The following CSMD3 variants were observed in gnomAD, a reference collection of about 807,000 sequenced individuals.
CSMD3 encodes the protein CUB and Sushi multiple domains 3, also known as CUB and sushi domain-containing protein 3.
In CSMD3, 177 loss-of-function variants were observed where a neutral mutation model predicts 435.2. The observed-to-expected ratio is 0.41, with a 90% CI of 0.36 to 0.46. CSMD3 has a LOEUF of 0.46. Ranked by LOEUF, CSMD3 falls within the 20% of genes least tolerant of loss-of-function variation. CSMD3 has a pLI of 0.34. For synonymous variants in CSMD3, 1,656 were observed against 1,520.5 expected, an observed-to-expected ratio of 1.09 and a Z score of -2.07; for missense variants, 4,265 against 4,504.6, an observed-to-expected ratio of 0.95 and a Z score of 1.52.
chr8:113,116,679 T>C (rs1316226223), intron 4 of CSMD3, among the ~76,000 whole-genome samples: 1 of 152,172 alleles, frequency 6.6e-6, no homozygotes, highest in Non-Finnish European at 1.5e-5. Context: ...TGGAACTTCT[T>C]AGAGACTTAG....
At chr8:113,167,537 C>G (rs893884138) in intron 4 of CSMD3, among the ~76,000 whole-genome samples, 1 of 152,140 alleles carries the variant, frequency 6.6e-6, no homozygotes, top group Non-Finnish European at 1.5e-5. Context: ...AGGACATGTA[C>G]GTTATTTTAT....
At chr8:113,114,464 C>T (rs964177980) in intron 4 of CSMD3, among the ~76,000 whole-genome samples, 1 of 152,030 alleles carries the variant, frequency 6.6e-6, no homozygotes, top group Non-Finnish European at 1.5e-5. Flanking sequence ...TATGTGTTGG[C>T]TTCATTTGTG....
intron 4 of CSMD3, among the ~76,000 whole-genome samples, chr8:113,153,012 A>G (rs1193265410): frequency 6.6e-6 from 1 of 150,522 alleles, no homozygotes; most frequent in Non-Finnish European, 1.5e-5. Context: ...ATACAAAAGG[A>G]AAAGAAAAGA....
intron 1 of CSMD3, among the ~76,000 whole-genome samples, chr8:113,383,110 C>G (rs1395969768): frequency 6.6e-6 from 1 of 152,054 alleles, no homozygotes; most frequent in Non-Finnish European, 1.5e-5. Flanking sequence ...GAGGAATGGA[C>G]ACTGCAGAGA....
chr8:112,675,104 A>AT (rs2075743445), intron 16 of CSMD3, among the ~76,000 whole-genome samples: 1 of 151,990 alleles, frequency 6.6e-6, no homozygotes, highest in Non-Finnish European at 1.5e-5. Context: ...AATATAGATA[A>AT]TTTTTTCTTC....
chr8:112,869,872 G>A (rs889426953), intron 10 of CSMD3, among the ~76,000 whole-genome samples: 3 of 152,022 alleles, frequency 2.0e-5, no homozygotes, highest in African/African-American at 2.4e-5. Flanking sequence ...TTGCACACCC[G>A]GGCCTGTTGG....
chr8:113,324,196 C>G (rs762799919), intron 1 of CSMD3, among the ~76,000 whole-genome samples: 3 of 152,168 alleles, frequency 2.0e-5, no homozygotes, highest in Non-Finnish European at 4.4e-5. Flanking sequence ...GAAATTCAAG[C>G]TGGCTGCAGA....
chr8:112,545,500 AAAAT>A (rs1350754811), intron 27 of CSMD3, among the ~76,000 whole-genome samples: 11 of 142,842 alleles, frequency 7.7e-5, no homozygotes, highest in Non-Finnish European at 1.2e-4. Context: ...AAAAAAAAAA[AAAAT>A]AATAATAATA....
At chr8:113,340,602 T>C (rs537086276) in intron 1 of CSMD3, among the ~76,000 whole-genome samples, 1 of 152,208 alleles carries the variant, frequency 6.6e-6, no homozygotes, top group South Asian at 2.1e-4. Context: ...TTGCCAAGCA[T>C]GGTGGTGCAC....
chr8:112,982,511 A>G (rs1253596695), intron 6 of CSMD3, among the ~76,000 whole-genome samples: 1 of 151,848 alleles, frequency 6.6e-6, no homozygotes, highest in Admixed American at 6.6e-5. Flanking sequence ...GCTTCCCCTA[A>G]ACAAACAAAA....
At chr8:113,018,887 T>C (rs2086575177) in intron 6 of CSMD3, 180 bp downstream of exon 6, 1 of 603,644 alleles carries the variant, frequency 1.7e-6, no homozygotes, top group East Asian at 2.8e-5. Flanking sequence ...TAAAATCAAC[T>C]AACTTTAATA....
At chr8:112,473,722 T>TTTG in intron 31 of CSMD3, among the ~76,000 whole-genome samples, 1 of 45,944 alleles carries the variant, frequency 2.2e-5, no homozygotes, top group Admixed American at 2.4e-4. Context: ...GGAAGAGGGA[T>TTTG]TTTTTTTTTT....
At chr8:113,339,955 T>C (rs1708306295) in intron 1 of CSMD3, among the ~76,000 whole-genome samples, 1 of 152,074 alleles carries the variant, frequency 6.6e-6, no homozygotes, top group African/African-American at 2.4e-5. Context: ...CCTGTACTTA[T>C]AATTATTAAA....
At chr8:112,479,337 C>A (rs1343335984) in intron 31 of CSMD3, among the ~76,000 whole-genome samples, 1 of 152,060 alleles carries the variant, frequency 6.6e-6, no homozygotes, top group African/African-American at 2.4e-5. Flanking sequence ...AGCCATGTGG[C>A]AGGAAAGAAA....
intron 19 of CSMD3, 55 bp downstream of exon 19, chr8:112,650,105 AC>A: frequency 1.6e-6 from 2 of 1,256,946 alleles, no homozygotes; most frequent in South Asian, 2.4e-5. Context: ...ATAAAAAACT[AC>A]ATTGATTTTT....
intron 1 of CSMD3, among the ~76,000 whole-genome samples, chr8:113,409,764 T>C (rs1479241196): frequency 1.3e-5 from 2 of 152,288 alleles, no homozygotes; most frequent in African/African-American, 4.8e-5. Context: ...TTGACCTATT[T>C]GTGTTCTGGA....
intron 30 of CSMD3, among the ~76,000 whole-genome samples, chr8:112,497,498 T>C (rs1171410676): frequency 6.6e-6 from 1 of 150,406 alleles, no homozygotes; most frequent in Non-Finnish European, 1.5e-5. Flanking sequence ...TATATATATA[T>C]ATATACCTAC....
At chr8:112,384,898 C>T (rs912045020) in intron 36 of CSMD3, among the ~76,000 whole-genome samples, 1 of 152,216 alleles carries the variant, frequency 6.6e-6, no homozygotes, top group Non-Finnish European at 1.5e-5. Flanking sequence ...GAAGAAAATA[C>T]TGCATTCAGC....
intron 23 of CSMD3, among the ~76,000 whole-genome samples, chr8:112,586,754 A>C (rs1416211420): frequency 6.6e-6 from 1 of 151,300 alleles, no homozygotes; most frequent in Admixed American, 6.6e-5. Context: ...TTTATATATA[A>C]TAATTTATTA....
Sources: allele counts gnomAD v4.1 joint callset (sites outside exome capture counted in the v4.1 genomes callset), GRCh38; gene constraint gnomAD v4.1.1; transcripts MANE v1.5; gene names NCBI Gene and HGNC (gene_info 2026-07-23, HGNC 2026-07-21).